Variants in TGFBR1 observed in about 807,000 individuals in gnomAD.
TGFBR1 encodes transforming growth factor beta receptor 1.
A neutral mutation model predicts 55.1 loss-of-function variants in TGFBR1; 20 were observed. That is an observed-to-expected ratio of 0.36 (90% CI 0.26 to 0.53). The LOEUF is 0.53. Ranked by LOEUF, TGFBR1 falls within the 20% of genes least tolerant of loss-of-function variation. The pLI is 0.91. For synonymous variants in TGFBR1, 220 were observed against 214.8 expected (o/e 1.02, Z -0.21); for missense variants, 385 against 617.6 (o/e 0.62, Z 3.99).
intron 1 of TGFBR1, chr9:99,127,900 C>G (rs771020516): frequency 6.8e-5 from 31 of 455,570 alleles, no homozygotes; most frequent in Non-Finnish European, 1.1e-4. Flanking sequence ...GTGCATGAGG[C>G]ATGGTGTTAG....
At chr9:99,118,482 A>T (rs1826810672) in intron 1 of TGFBR1, among the ~76,000 whole-genome samples, 2 of 152,070 alleles carry the variant, frequency 1.3e-5, no homozygotes, top group South Asian at 4.1e-4. Flanking sequence ...AATTTTTTTT[A>T]AATTCTGCAA....
intron 3 of TGFBR1, among the ~76,000 whole-genome samples, chr9:99,134,907 CCTT>C (rs1827387286): frequency 6.9e-6 from 1 of 144,944 alleles, no homozygotes; most frequent in Admixed American, 7.1e-5. Context: ...TTCTCTCCCT[CCTT>C]TGATGCCTTA....
At chr9:99,128,040 C>T (rs977554897) in intron 1 of TGFBR1, 13 of 455,622 alleles carry the variant, frequency 2.9e-5, no homozygotes, top group Non-Finnish European at 5.7e-5. Flanking sequence ...TTAACTTCAT[C>T]AGAGAGCATG....
At chr9:99,111,103 T>C (rs1327574544) in intron 1 of TGFBR1, among the ~76,000 whole-genome samples, 3 of 152,212 alleles carry the variant, frequency 2.0e-5, no homozygotes, top group Non-Finnish European at 4.4e-5. Context: ...ATTATATTTT[T>C]AGGTAATTTG....
chr9:99,122,489 T>C (rs1826923859), intron 1 of TGFBR1, among the ~76,000 whole-genome samples: 1 of 152,050 alleles, frequency 6.6e-6, no homozygotes, highest in Non-Finnish European at 1.5e-5. Context: ...TCCTTTATAT[T>C]GGGACCAAGA....
intron 6 of TGFBR1, among the ~76,000 whole-genome samples, chr9:99,146,260 A>G (rs1481406790): frequency 6.6e-6 from 1 of 152,194 alleles, no homozygotes; most frequent in Non-Finnish European, 1.5e-5. Flanking sequence ...AACCAAGATC[A>G]TGAGGCAGAT....
chr9:99,133,213 A>G (rs1827302194), intron 3 of TGFBR1, among the ~76,000 whole-genome samples: 1 of 152,270 alleles, frequency 6.6e-6, no homozygotes, highest in African/African-American at 2.4e-5. Context: ...TAAACATTAT[A>G]TGAAATTGTC....
chr9:99,136,419 C>T (rs1034671566), intron 3 of TGFBR1, among the ~76,000 whole-genome samples: 1 of 152,136 alleles, frequency 6.6e-6, no homozygotes, highest in South Asian at 2.1e-4. Flanking sequence ...AGATTAGTCT[C>T]CTGAAATTAA....
At position 99,132,438 on chromosome 9, in the gene TGFBR1, G is replaced by A. The variant is rs72739279; in HGVS notation, c.344-71G>A. On this transcript the variant is annotated intron_variant, in intron 2 of 8. Coordinates refer to ENST00000374994, the MANE Select transcript of TGFBR1 (RefSeq NM_004612.4). The stretch of plus-strand genomic sequence containing the variant: ...AGCTGCAGGAATTGTGTAGGATTGG[G>A]AAAATGGGGGTTGCCACCTACAGTG... The A allele has an allele frequency of 3.9e-3, 6,249 of 1,599,164 alleles. 27 individuals are homozygous for A. Among genetic ancestry groups the A allele is most frequent in the Non-Finnish European group, 4.1e-3 (4,884 of 1,177,162 alleles).
At chr9:99,105,915 C>T (rs1381295056) in intron 1 of TGFBR1, among the ~76,000 whole-genome samples, 1 of 152,204 alleles carries the variant, frequency 6.6e-6, no homozygotes, top group Non-Finnish European at 1.5e-5. Context: ...CCGGCTCGAC[C>T]CGAGCCGACC....
At chr9:99,132,435 T>A in intron 2 of TGFBR1, 74 bp from the exon 3 acceptor site, 1 of 1,597,092 alleles carries the variant, frequency 6.3e-7, no homozygotes, top group Non-Finnish European at 8.5e-7. Flanking sequence ...TGTGTAGGAT[T>A]GGGAAAATGG....
chr9:99,109,498 C>T (rs939321710), intron 1 of TGFBR1, among the ~76,000 whole-genome samples: 1 of 152,166 alleles, frequency 6.6e-6, no homozygotes, highest in Non-Finnish European at 1.5e-5. Context: ...GGTTCTAGGC[C>T]TTAGTTGAGC....
chr9:99,135,948 G>A (rs1588583517), intron 3 of TGFBR1, among the ~76,000 whole-genome samples: 1 of 148,036 alleles, frequency 6.8e-6, no homozygotes, highest in Admixed American at 6.9e-5. Context: ...TTCACCTCCC[G>A]GGTTCAAGCA....
chr9:99,124,632 AT>A (rs1319011725), intron 1 of TGFBR1, among the ~76,000 whole-genome samples: 1 of 152,126 alleles, frequency 6.6e-6, no homozygotes, highest in Non-Finnish European at 1.5e-5. Context: ...TTAAGTTCTT[AT>A]TTTAGTTTTT....
At chr9:99,117,810 T>C (rs1193606725) in intron 1 of TGFBR1, among the ~76,000 whole-genome samples, 1 of 152,224 alleles carries the variant, frequency 6.6e-6, no homozygotes, top group African/African-American at 2.4e-5. Flanking sequence ...CTTGCGATGT[T>C]GTTTTTCCAT....
chr9:99,118,947 C>T (rs890045853), intron 1 of TGFBR1, among the ~76,000 whole-genome samples: 1 of 152,190 alleles, frequency 6.6e-6, no homozygotes, highest in African/African-American at 2.4e-5. Flanking sequence ...TTTCTGTCCT[C>T]TGATCTGTGC....
rs1197720573 is a variant in TGFBR1, at chr9:99,134,830, A to ACATATATATATATATATG, written c.574+2091_574+2092insCATATATATATATATATG. Among the ~76,000 whole-genome samples the ACATATATATATATATATG allele has an allele frequency of 1.9e-3, 214 of 112,500 alleles. 3 individuals carry two copies. The highest frequency in any genetic ancestry group is 6.4e-3 in the African/African-American group (200 of 31,442). 73.8% of individuals were successfully genotyped at this position (112,500 alleles called of 152,430 possible). On this transcript the variant is annotated intron_variant, in intron 3 of 8. Transcript: ENST00000374994. ...TATATATATATATATATATATATAT[A>ACATATATATATATATATG]TATATATATATATATATATATATTT...
At chr9:99,129,613 C>G (rs192750275) in intron 2 of TGFBR1, among the ~76,000 whole-genome samples, 14 of 152,046 alleles carry the variant, frequency 9.2e-5, no homozygotes, top group African/African-American at 3.1e-4. Flanking sequence ...TTAAAATTTC[C>G]TGGGGCTGGG....
intron 1 of TGFBR1, among the ~76,000 whole-genome samples, chr9:99,114,978 G>C (rs1015962146): frequency 7.2e-5 from 11 of 152,074 alleles, no homozygotes; most frequent in African/African-American, 2.7e-4. Context: ...CTACTGTACT[G>C]GTCTCACAGT....
Sources: allele counts gnomAD v4.1 joint callset (sites outside exome capture counted in the v4.1 genomes callset), GRCh38; gene constraint gnomAD v4.1.1; transcripts MANE v1.5; gene names NCBI Gene and HGNC (gene_info 2026-07-23, HGNC 2026-07-21).